LHCGR: variants seen among roughly 807,000 people sequenced by gnomAD.
LHCGR encodes luteinizing hormone/choriogonadotropin receptor.
LHCGR carries 55 observed loss-of-function variants against 60.7 expected under a neutral mutation model. The observed-to-expected ratio is 0.91, with a 90% CI of 0.73 to 1.13. The LOEUF (loss-of-function observed/expected upper bound fraction) is 1.13, where lower values mean the gene tolerates loss of function less well. Among genes scored for constraint, LHCGR ranks in the 50% most tolerant of loss-of-function variants. The pLI, the probability that LHCGR is intolerant of heterozygous loss-of-function variation, is 0.00. For synonymous variants in LHCGR, 337 were observed against 316.5 expected, an observed-to-expected ratio of 1.06 and a Z score of -0.69; for missense variants, 862 against 836.0, an observed-to-expected ratio of 1.03 and a Z score of -0.38.
intron 1 of LHCGR, 150 bp downstream of exon 1, chr2:48,755,361 A>AC: frequency 1.7e-6 from 1 of 603,964 alleles, no homozygotes; most frequent in Non-Finnish European, 2.9e-6. Context: ...GGTTCTCATC[A>AC]CCCTAAAACG....
chr2:48,739,292 G>C (rs1486569437), intron 1 of LHCGR, among the ~76,000 whole-genome samples: 3 of 152,178 alleles, frequency 2.0e-5, no homozygotes, highest in Admixed American at 6.5e-5. Flanking sequence ...TACCATTTGA[G>C]CCAGCCATCC....
intron 4 of LHCGR, among the ~76,000 whole-genome samples, chr2:48,724,206 T>C (rs1260588058): frequency 6.6e-6 from 1 of 152,234 alleles, no homozygotes; most frequent in Non-Finnish European, 1.5e-5. Context: ...AAGTTCTTCT[T>C]TGCATCTCAT....
chr2:48,715,276 G>T (rs1321647189), intron 6 of LHCGR, among the ~76,000 whole-genome samples: 1 of 152,112 alleles, frequency 6.6e-6, no homozygotes, highest in East Asian at 1.9e-4. Context: ...TGGCACCTGG[G>T]AGTATTACAG....
chr2:48,733,640 G>A (rs893750273), intron 1 of LHCGR, among the ~76,000 whole-genome samples: 1 of 152,140 alleles, frequency 6.6e-6, no homozygotes, highest in African/African-American at 2.4e-5. Flanking sequence ...TGGGGGCCAG[G>A]GAATGGGGAG....
intron 7 of LHCGR, among the ~76,000 whole-genome samples, chr2:48,710,646 G>A (rs944759606): frequency 7.9e-5 from 12 of 152,122 alleles, no homozygotes; most frequent in Non-Finnish European, 4.4e-5. Flanking sequence ...CACAAGCTCC[G>A]CCAAAGTTTT....
chr2:48,731,714 A>C (rs1055790568), intron 1 of LHCGR, among the ~76,000 whole-genome samples: 3 of 152,200 alleles, frequency 2.0e-5, no homozygotes, highest in Non-Finnish European at 4.4e-5. Flanking sequence ...CTTGGCACCA[A>C]GTATATAGTT....
At chr2:48,729,981 G>T (rs952793092) in intron 2 of LHCGR, among the ~76,000 whole-genome samples, 3 of 152,102 alleles carry the variant, frequency 2.0e-5, no homozygotes, top group African/African-American at 7.2e-5. Flanking sequence ...AACCAGTTTT[G>T]TCATATATGA....
chr2:48,746,608 TATC>T (rs1669718256), intron 1 of LHCGR, among the ~76,000 whole-genome samples: 1 of 152,212 alleles, frequency 6.6e-6, no homozygotes, highest in Non-Finnish European at 1.5e-5. Flanking sequence ...GTTTATGTCT[TATC>T]ATGTGAACCA....
At chr2:48,733,144 C>T (rs1669080709) in intron 1 of LHCGR, 3 of 352,246 alleles carry the variant, frequency 8.5e-6, no homozygotes, top group Admixed American at 3.9e-5. Context: ...AAACTGACAG[C>T]CAAATTCTGA....
intron 7 of LHCGR, among the ~76,000 whole-genome samples, chr2:48,710,354 G>A (rs1667919939): frequency 6.6e-6 from 1 of 152,142 alleles, no homozygotes; most frequent in African/African-American, 2.4e-5. Context: ...ATTATGTTCA[G>A]TTATAGTTAT....
chr2:48,693,809 C>G (rs1037929572), intron 10 of LHCGR, among the ~76,000 whole-genome samples: 8 of 152,146 alleles, frequency 5.3e-5, no homozygotes, highest in African/African-American at 1.7e-4. Flanking sequence ...TCGAGGTAGC[C>G]TAAGTCTCCT....
At chr2:48,743,465 T>G (rs1311580476) in intron 1 of LHCGR, among the ~76,000 whole-genome samples, 2 of 152,108 alleles carry the variant, frequency 1.3e-5, no homozygotes, top group African/African-American at 4.8e-5. Flanking sequence ...GCAAACCGAA[T>G]CCAGCAGCAC....
chr2:48,713,003 C>G (rs1572850116), intron 7 of LHCGR, among the ~76,000 whole-genome samples: 1 of 152,034 alleles, frequency 6.6e-6, no homozygotes, highest in East Asian at 1.9e-4. Context: ...ATTTTGCTAC[C>G]CAACATTAGA....
rs1668582649 is a variant in LHCGR at position 48,723,350 on chromosome 2, C to T, written c.536+106G>A. ...CATTTTAGGTTAAGAAGAATGTCAC[C>T]AGTGAGTGAGGAATGTGGTAAAACA... On this transcript the variant is annotated intron_variant, in intron 6 of 10. Coordinates refer to ENST00000294954, the MANE Select transcript of LHCGR (RefSeq NM_000233.4). 7.5e-6 allele frequency: 6 copies of T among 800,098 alleles called. No individual in the cohort carries two copies. The Middle Eastern group carries it at 6.6e-4, about 88-fold the overall frequency. 49.6% of individuals were successfully genotyped at this position (800,098 alleles called of 1,614,324 possible).
At chr2:48,738,045 A>G (rs1329346888) in intron 1 of LHCGR, among the ~76,000 whole-genome samples, 1 of 152,184 alleles carries the variant, frequency 6.6e-6, no homozygotes, top group Admixed American at 6.5e-5. Flanking sequence ...GATACACTCT[A>G]CTACATGATC....
At chr2:48,748,947 C>T (rs1306855030) in intron 1 of LHCGR, among the ~76,000 whole-genome samples, 1 of 152,106 alleles carries the variant, frequency 6.6e-6, no homozygotes, top group Non-Finnish European at 1.5e-5. Context: ...TGCATTGGAC[C>T]CTACCCTGTC....
chr2:48,692,378 C>T (rs543886095), intron 10 of LHCGR, among the ~76,000 whole-genome samples: 2 of 152,352 alleles, frequency 1.3e-5, no homozygotes, highest in South Asian at 2.1e-4. Context: ...CACTTCCTCT[C>T]GCTGTCTGGT....
At chr2:48,723,224 A>G (rs368898886) in intron 6 of LHCGR, among the ~76,000 whole-genome samples, 1 of 152,198 alleles carries the variant, frequency 6.6e-6, no homozygotes, top group South Asian at 2.1e-4. Flanking sequence ...CTCAGTCACT[A>G]AAAATCCTCA....
At chr2:48,723,721 T>C (rs1668597774) in intron 4 of LHCGR, 25 bp from the exon 5 acceptor site, 4 of 1,553,444 alleles carry the variant, frequency 2.6e-6, no homozygotes, top group Non-Finnish European at 2.7e-6. Context: ...AGGATAGTGG[T>C]GTGGGCAGAG....
Sources: allele counts gnomAD v4.1 joint callset (sites outside exome capture counted in the v4.1 genomes callset), GRCh38; gene constraint gnomAD v4.1.1; transcripts MANE v1.5; gene names NCBI Gene and HGNC (gene_info 2026-07-23, HGNC 2026-07-21).